Variants in KCNIP4 observed in about 807,000 individuals in gnomAD.
The protein encoded by KCNIP4 is Kv channel-interacting protein 4.
A neutral mutation model predicts 34.0 loss-of-function variants in KCNIP4; 12 were observed. The ratio of observed to expected loss-of-function variants is 0.35; its 90% CI spans 0.23 to 0.57. KCNIP4 has a LOEUF of 0.57. KCNIP4 is among the 20% of genes least tolerant of loss of function. The pLI is 0.83. For missense variants in KCNIP4, 238 were observed against 311.7 expected (o/e 0.76, Z 1.78); for synonymous variants, 124 against 102.2 (o/e 1.21, Z -1.29).
intron 1 of KCNIP4, among the ~76,000 whole-genome samples, chr4:21,701,039 GGTATATATACACATT>G (rs1041920462): frequency 5.3e-5 from 8 of 151,942 alleles, no homozygotes; most frequent in Admixed American, 2.0e-4. Context: ...AAAAAAATGT[GGTATATATACACATT>G]GGAATAATAT....
chr4:21,171,056 T>A (rs1221874107), intron 1 of KCNIP4, among the ~76,000 whole-genome samples: 1 of 152,210 alleles, frequency 6.6e-6, no homozygotes, highest in Non-Finnish European at 1.5e-5. Context: ...GTTCAGTTGC[T>A]CTCAACAACT....
intron 1 of KCNIP4, among the ~76,000 whole-genome samples, chr4:20,927,716 A>G (rs775924480): frequency 2.6e-5 from 4 of 152,198 alleles, no homozygotes; most frequent in Non-Finnish European, 5.9e-5. Context: ...AACTGTTTTC[A>G]GTATGTGGTA....
At chr4:21,633,373 G>T (rs943429093) in intron 1 of KCNIP4, among the ~76,000 whole-genome samples, 1 of 152,066 alleles carries the variant, frequency 6.6e-6, no homozygotes, top group Non-Finnish European at 1.5e-5. Context: ...TTGATGGGAT[G>T]TTAGTGAATA....
intron 1 of KCNIP4, among the ~76,000 whole-genome samples, chr4:21,639,599 C>T (rs1746468238): frequency 6.6e-6 from 1 of 152,030 alleles, no homozygotes; most frequent in South Asian, 2.1e-4. Flanking sequence ...AATGTTTCTT[C>T]TTGTTTCAAA....
At chr4:21,512,544 T>C (rs1734425290) in intron 1 of KCNIP4, among the ~76,000 whole-genome samples, 1 of 152,090 alleles carries the variant, frequency 6.6e-6, no homozygotes, top group Admixed American at 6.6e-5. Context: ...CTCCACAGTG[T>C]GGCAGCAGAG....
intron 1 of KCNIP4, among the ~76,000 whole-genome samples, chr4:21,942,958 C>A (rs1730288731): frequency 6.6e-6 from 1 of 152,232 alleles, no homozygotes; most frequent in Non-Finnish European, 1.5e-5. Context: ...CGGGTTTCAT[C>A]ATGTTGGCCA....
chr4:21,180,421 G>T (rs1215316297), intron 1 of KCNIP4, among the ~76,000 whole-genome samples: 7 of 151,872 alleles, frequency 4.6e-5, no homozygotes, highest in Admixed American at 6.6e-5. Context: ...AAATATTAAA[G>T]AATTTTTTTA....
At chr4:20,918,359 A>G (rs1423492381) in intron 1 of KCNIP4, among the ~76,000 whole-genome samples, 1 of 152,116 alleles carries the variant, frequency 6.6e-6, no homozygotes, top group Non-Finnish European at 1.5e-5. Context: ...CATACTTGAT[A>G]ATAATTGGTT....
intron 1 of KCNIP4, among the ~76,000 whole-genome samples, chr4:20,896,934 AT>A (rs1185616329): frequency 0.01 from 1,489 of 146,242 alleles, 24 homozygotes; most frequent in African/African-American, 0.031. Flanking sequence ...TAGTACTGGT[AT>A]TTTTTTTTTT....
At chr4:20,987,477 T>C (rs982184708) in intron 1 of KCNIP4, among the ~76,000 whole-genome samples, 1 of 152,126 alleles carries the variant, frequency 6.6e-6, no homozygotes, top group African/African-American at 2.4e-5. Context: ...CACCATACTA[T>C]GTAGTTTACA....
intron 1 of KCNIP4, among the ~76,000 whole-genome samples, chr4:21,367,540 T>C (rs1004357041): frequency 6.7e-6 from 1 of 148,256 alleles, no homozygotes. Flanking sequence ...GGTCAGGATA[T>C]TTATTCTTAG....
At chr4:21,498,426 T>A (rs1733027722) in intron 1 of KCNIP4, among the ~76,000 whole-genome samples, 1 of 152,240 alleles carries the variant, frequency 6.6e-6, no homozygotes. Flanking sequence ...TGGGGGGTTA[T>A]GTTTTACTAT....
chr4:21,708,644 T>C (rs545809798), intron 1 of KCNIP4, among the ~76,000 whole-genome samples: 63 of 152,156 alleles, frequency 4.1e-4, no homozygotes, highest in Non-Finnish European at 7.5e-4. Context: ...GTCTTGGTAA[T>C]GCATTCCCAG....
chr4:20,744,534 G>A (rs1453740264), intron 5 of KCNIP4, among the ~76,000 whole-genome samples: 8 of 151,756 alleles, frequency 5.3e-5, no homozygotes, highest in Admixed American at 2.0e-4. Flanking sequence ...ACCAAACACC[G>A]CATGTTCTCA....
At chr4:21,266,311 C>T (rs1577989276) in intron 1 of KCNIP4, among the ~76,000 whole-genome samples, 1 of 152,160 alleles carries the variant, frequency 6.6e-6, no homozygotes, top group East Asian at 1.9e-4. Context: ...AATTATCCTT[C>T]TCACTTTTCA....
rs73249581 is a variant in KCNIP4 at position 21,433,227 on chromosome 4, G to C, written c.61+515344C>G. 3.3e-3 allele frequency among the ~76,000 whole-genome samples: 497 copies of C among 152,256 alleles called. 1 individual carries two copies. The highest frequency in any genetic ancestry group is 5.5e-3 in the Admixed American group (84 of 15,300). The stretch of plus-strand genomic sequence containing the variant: ...GCTTGAAATATACATACGTAACTAA[G>C]TTTTCTGTTATGATTTAGTGATCAG... On this transcript the variant is annotated intron_variant, in intron 1 of 8. Coordinates refer to ENST00000382152, the MANE Select transcript of KCNIP4 (RefSeq NM_025221.6).
chr4:21,589,547 A>T (rs939213908), intron 1 of KCNIP4, among the ~76,000 whole-genome samples: 2 of 151,678 alleles, frequency 1.3e-5, no homozygotes, highest in African/African-American at 4.8e-5. Context: ...AAGCAGACTA[A>T]ATACTGTAAG....
chr4:21,703,594 G>T (rs1713034008), intron 1 of KCNIP4, among the ~76,000 whole-genome samples: 1 of 152,022 alleles, frequency 6.6e-6, no homozygotes. Flanking sequence ...AAAACCTGTT[G>T]TACTAGCAAT....
At chr4:21,752,502 T>A (rs1717217635) in intron 1 of KCNIP4, among the ~76,000 whole-genome samples, 1 of 151,954 alleles carries the variant, frequency 6.6e-6, no homozygotes, top group Non-Finnish European at 1.5e-5. Flanking sequence ...ACCAGGTCTC[T>A]CCCTCAACAC....
Sources: allele counts gnomAD v4.1 joint callset (sites outside exome capture counted in the v4.1 genomes callset), GRCh38; gene constraint gnomAD v4.1.1; transcripts MANE v1.5; gene names NCBI Gene and HGNC (gene_info 2026-07-23, HGNC 2026-07-21).